C9orf85: variants seen among roughly 807,000 people sequenced by gnomAD.
C9orf85 encodes the protein chromosome 9 open reading frame 85.
In C9orf85, 16 loss-of-function variants were observed where a neutral mutation model predicts 14.9. The observed-to-expected ratio is 1.08, with a 90% CI of 0.73 to 1.63. The LOEUF (loss-of-function observed/expected upper bound fraction) is 1.63. Among genes scored for constraint, C9orf85 ranks in the 40% most tolerant of loss-of-function variants. The pLI, the probability that C9orf85 is intolerant of heterozygous loss-of-function variation, is 0.00. For synonymous variants in C9orf85, 45 were observed against 56.8 expected, an observed-to-expected ratio of 0.79 and a Z score of 0.93; for missense variants, 172 against 186.1, an observed-to-expected ratio of 0.92 and a Z score of 0.44.
chr9:71,972,672 A>T lies in C9orf85; in HGVS notation c.324-20A>T, dbSNP rs753990052. ...ATGATAGCCTGGGAAATAAATAGAA[A>T]TTTTTTCTTTCATCTTTAGGTTGAA... On this transcript the variant is annotated intron_variant, in intron 3 of 3. Coordinates refer to ENST00000334731, the MANE Select transcript of C9orf85 (RefSeq NM_182505.5). 1 of 1,520,194 alleles carries T rather than the reference A, an allele frequency of 6.6e-7. No homozygotes were observed. 94.2% of individuals were successfully genotyped at this position (1,520,194 alleles called of 1,614,324 possible).
chr9:71,932,036 A>G (rs1288262147), intron 1 of C9orf85, among the ~76,000 whole-genome samples: 2 of 152,186 alleles, frequency 1.3e-5, no homozygotes, highest in African/African-American at 4.8e-5. Flanking sequence ...CTTAGGGTTG[A>G]GTCCAGGAAT....
At chr9:71,965,035 C>T (rs1045004617) in intron 2 of C9orf85, among the ~76,000 whole-genome samples, 4 of 152,172 alleles carry the variant, frequency 2.6e-5, no homozygotes, top group African/African-American at 4.8e-5. Flanking sequence ...GGGTCTGCGA[C>T]GGCAGCAAAC....
rs1823116679 is a variant in C9orf85 at position 71,982,641 on chromosome 9, T to TC, written c.324-16_324-15insC. The TC allele has an allele frequency of 1.3e-5, 5 of 386,572 alleles. No homozygotes were observed. In the Admixed American group the frequency reaches 1.6e-4, roughly 13 times the overall value. 23.9% of individuals were successfully genotyped at this position (386,572 alleles called of 1,614,324 possible). On this transcript the variant is annotated splice_polypyrimidine_tract_variant and intron_variant, in intron 3 of 3. Transcript: ENST00000377031. ...TTTAATTTGTATATTTCTTTTTTTTTTTTTTTTTTTTTCAGATGGAGTCTC... is the reference window on the plus strand; with the variant it reads ...TTTAATTTGTATATTTCTTTTTTTTTCTTTTTTTTTTTTCAGATGGAGTCTC...
At chr9:71,925,727 G>GT (rs1406629923) in intron 1 of C9orf85, among the ~76,000 whole-genome samples, 3 of 152,074 alleles carry the variant, frequency 2.0e-5, no homozygotes, top group East Asian at 3.8e-4. Flanking sequence ...TGAACAAGCT[G>GT]TTTTTTTATA....
At chr9:71,970,120 G>C (rs761058513) in intron 2 of C9orf85, among the ~76,000 whole-genome samples, 7 of 151,814 alleles carry the variant, frequency 4.6e-5, no homozygotes, top group Non-Finnish European at 8.8e-5. Context: ...AATTTTTTTT[G>C]TATTATTAGT....
intron 1 of C9orf85, among the ~76,000 whole-genome samples, chr9:71,944,535 AT>A (rs1822031890): frequency 6.6e-6 from 1 of 152,080 alleles, no homozygotes; most frequent in African/African-American, 2.4e-5. Context: ...TTTAACCTTA[AT>A]TACCTATGAT....
chr9:71,937,046 AC>A (rs1313153507), intron 1 of C9orf85, among the ~76,000 whole-genome samples: 2 of 152,174 alleles, frequency 1.3e-5, no homozygotes, highest in African/African-American at 4.8e-5. Context: ...GCCCTGAGCT[AC>A]CATACCTGGC....
At chr9:71,978,693 C>T (rs1178348311) in intron 3 of C9orf85, among the ~76,000 whole-genome samples, 1 of 152,062 alleles carries the variant, frequency 6.6e-6, no homozygotes, top group Non-Finnish European at 1.5e-5. Context: ...GTATCTTGAT[C>T]CAGGTGGTAG....
At chr9:71,924,294 T>G (rs1354593099) in intron 1 of C9orf85, among the ~76,000 whole-genome samples, 7 of 152,274 alleles carry the variant, frequency 4.6e-5, no homozygotes, top group African/African-American at 1.4e-4. Context: ...TTTTTAGAAC[T>G]TTATGGCAAA....
intron 1 of C9orf85, among the ~76,000 whole-genome samples, chr9:71,938,496 A>G (rs1180379314): frequency 6.6e-6 from 1 of 152,078 alleles, no homozygotes; most frequent in East Asian, 1.9e-4. Context: ...AATGTTTACA[A>G]AATAAAATCA....
chr9:71,926,306 G>A (rs1417945567), intron 1 of C9orf85, among the ~76,000 whole-genome samples: 3 of 152,016 alleles, frequency 2.0e-5, no homozygotes, highest in Non-Finnish European at 4.4e-5. Flanking sequence ...TGTCCCTATC[G>A]AGCACTTGAC....
At chr9:71,927,666 G>A (rs985950575) in intron 1 of C9orf85, among the ~76,000 whole-genome samples, 1 of 152,150 alleles carries the variant, frequency 6.6e-6, no homozygotes, top group African/African-American at 2.4e-5. Flanking sequence ...CAGTGTACAA[G>A]AAGCAATAGT....
intron 2 of C9orf85, among the ~76,000 whole-genome samples, chr9:71,966,519 T>G (rs55997603): frequency 0.17 from 26,525 of 152,094 alleles, 2,880 homozygotes; most frequent in African/African-American, 0.29. Flanking sequence ...TCCCCTGAAG[T>G]TTTGGTAATC....
intron 1 of C9orf85, 94 bp downstream of exon 1, chr9:71,911,930 G>A (rs762618726): frequency 3.4e-5 from 37 of 1,092,432 alleles, no homozygotes; most frequent in Non-Finnish European, 5.2e-5. Flanking sequence ...GCTGGGGCGA[G>A]TGTGGACCGC....
chr9:71,956,135 A>T (rs1181466526), intron 2 of C9orf85, among the ~76,000 whole-genome samples: 1 of 152,104 alleles, frequency 6.6e-6, no homozygotes, highest in Non-Finnish European at 1.5e-5. Context: ...TTATTTCAGG[A>T]CATCTGAACA....
chr9:71,980,696 A>G (rs1470228907), intron 3 of C9orf85, among the ~76,000 whole-genome samples: 1 of 152,192 alleles, frequency 6.6e-6, no homozygotes, highest in Non-Finnish European at 1.5e-5. Context: ...AGAATAGTAT[A>G]TTATATACTT....
intron 1 of C9orf85, among the ~76,000 whole-genome samples, chr9:71,944,866 T>G (rs1260652702): frequency 2.0e-5 from 3 of 152,178 alleles, no homozygotes; most frequent in Non-Finnish European, 4.4e-5. Flanking sequence ...ATATGAACCC[T>G]GTACAACATA....
At chr9:71,918,316 T>G in intron 1 of C9orf85, 1 of 562,074 alleles carries the variant, frequency 1.8e-6, no homozygotes, top group Non-Finnish European at 2.8e-6. Context: ...ACAACTATTT[T>G]ATTCTTCAGA....
chr9:71,915,819 T>C (rs886930908), intron 1 of C9orf85, among the ~76,000 whole-genome samples: 2 of 152,228 alleles, frequency 1.3e-5, no homozygotes, highest in Non-Finnish European at 2.9e-5. Context: ...TTAAGCTTAT[T>C]TTTTAAATGG....
Sources: gnomAD v4.1 joint callset for allele counts (sites outside exome capture counted in the v4.1 genomes callset) on GRCh38, gnomAD v4.1.1 for gene constraint, MANE v1.5 for transcripts, NCBI Gene and HGNC (gene_info 2026-07-23, HGNC 2026-07-21) for gene names.